LRRC4C: variants seen among roughly 807,000 people sequenced by gnomAD.
LRRC4C encodes leucine rich repeat containing 4C.
LRRC4C carries 5 observed loss-of-function variants against 33.6 expected under a neutral mutation model. That is an observed-to-expected ratio of 0.15 (90% CI 0.08 to 0.31). The LOEUF (loss-of-function observed/expected upper bound fraction) is 0.31. Among genes scored for constraint, LRRC4C ranks in the 10% least tolerant of loss-of-function variants. The pLI is 1.00. For missense variants in LRRC4C, 560 were observed against 796.7 expected, an observed-to-expected ratio of 0.70 and a Z score of 3.58; for synonymous variants, 329 against 302.0, an observed-to-expected ratio of 1.09 and a Z score of -0.93.
intron 2 of LRRC4C, among the ~76,000 whole-genome samples, chr11:40,805,768 T>C (rs1317298564): frequency 6.6e-6 from 1 of 152,204 alleles, no homozygotes; most frequent in African/African-American, 2.4e-5. Context: ...AATTTTAGTA[T>C]TAATCACTAT....
At chr11:41,124,470 C>T (rs1359914034) in intron 1 of LRRC4C, among the ~76,000 whole-genome samples, 4 of 152,184 alleles carry the variant, frequency 2.6e-5, no homozygotes, top group Admixed American at 6.5e-5. Flanking sequence ...CTTCGTTCTA[C>T]AGCACTTGGC....
intron 6 of LRRC4C, among the ~76,000 whole-genome samples, chr11:40,138,951 T>A (rs1235814927): frequency 6.6e-6 from 1 of 152,198 alleles, no homozygotes; most frequent in Admixed American, 6.5e-5. Flanking sequence ...ATGTGCTATC[T>A]TAGTAAATTT....
intron 1 of LRRC4C, among the ~76,000 whole-genome samples, chr11:41,346,708 G>A (rs1000454556): frequency 6.6e-6 from 1 of 152,150 alleles, no homozygotes; most frequent in Non-Finnish European, 1.5e-5. Flanking sequence ...GCTTTCAAAA[G>A]GTTCCAAAAA....
rs751922675 is a variant in LRRC4C, at chr11:40,579,492, G to T, written c.-270+68650C>A. Among the ~76,000 whole-genome samples, 205 of 152,116 alleles carry T rather than the reference G, an allele frequency of 1.3e-3. 1 individual carries two copies. The highest frequency in any genetic ancestry group is 0.01 in the Middle Eastern group (3 of 294). ...TTGTATTTTATAGCTTTGGGTTAAG[G>T]TATAATTATATACTATAAACTACAC... is the stretch of plus-strand genomic sequence containing the variant. On this transcript the variant is annotated intron_variant, in intron 3 of 6. Transcript: ENST00000528697.
chr11:41,195,448 G>A (rs1230887262), intron 1 of LRRC4C, among the ~76,000 whole-genome samples: 1 of 152,052 alleles, frequency 6.6e-6, no homozygotes, highest in Non-Finnish European at 1.5e-5. Context: ...AAACTGGAAT[G>A]TTTCAGAAAC....
At chr11:40,403,321 T>TTATCTAA (rs1949832990) in intron 3 of LRRC4C, among the ~76,000 whole-genome samples, 2 of 152,108 alleles carry the variant, frequency 1.3e-5, no homozygotes, top group Non-Finnish European at 2.9e-5. Context: ...TAAACCAAGT[T>TTATCTAA]AGTTAGTCAA....
At chr11:40,484,280 AT>A (rs1433813288) in intron 3 of LRRC4C, among the ~76,000 whole-genome samples, 2 of 152,258 alleles carry the variant, frequency 1.3e-5, no homozygotes, top group African/African-American at 4.8e-5. Context: ...TTAATTTGCA[AT>A]TAATTAATTG....
At chr11:40,932,984 T>C (rs1411416849) in intron 2 of LRRC4C, among the ~76,000 whole-genome samples, 1 of 152,168 alleles carries the variant, frequency 6.6e-6, no homozygotes, top group Non-Finnish European at 1.5e-5. Context: ...AAATAAATAT[T>C]AACTGGTCAA....
intron 1 of LRRC4C, among the ~76,000 whole-genome samples, chr11:41,126,972 A>C (rs1188551114): frequency 6.6e-6 from 1 of 152,190 alleles, no homozygotes; most frequent in Non-Finnish European, 1.5e-5. Context: ...GTTTTGAGAT[A>C]GTTTGTCATG....
At chr11:40,399,189 A>G (rs6485194) in intron 3 of LRRC4C, among the ~76,000 whole-genome samples, 51,516 of 151,886 alleles carry the variant, frequency 0.34, 9,899 homozygotes, top group South Asian at 0.47. Context: ...CTGGGTATAT[A>G]CCCAAAGGAC....
intron 5 of LRRC4C, among the ~76,000 whole-genome samples, chr11:40,144,986 A>G (rs1857622055): frequency 6.6e-6 from 1 of 152,182 alleles, no homozygotes; most frequent in South Asian, 2.1e-4. Flanking sequence ...ACTATCAACC[A>G]GTGTGCTAGT....
chr11:40,207,726 G>A (rs1400301403), intron 5 of LRRC4C, among the ~76,000 whole-genome samples: 1 of 152,186 alleles, frequency 6.6e-6, no homozygotes, highest in Non-Finnish European at 1.5e-5. Context: ...AGCCAAGTGT[G>A]TGGTCATCTG....
intron 3 of LRRC4C, among the ~76,000 whole-genome samples, chr11:40,454,340 AT>A (rs1418771328): frequency 6.6e-6 from 1 of 152,134 alleles, no homozygotes; most frequent in Non-Finnish European, 1.5e-5. Flanking sequence ...ATCTTTTCAA[AT>A]ATGAGAGCTA....
At chr11:41,105,518 G>A (rs1381085792) in intron 1 of LRRC4C, among the ~76,000 whole-genome samples, 4 of 151,956 alleles carry the variant, frequency 2.6e-5, no homozygotes, top group African/African-American at 9.7e-5. Context: ...ATTAGCACAG[G>A]TAGTTTTTCA....
rs115919967 is a variant in LRRC4C at position 40,371,844 on chromosome 11, G to T, written c.-269-52123C>A. ...ATTGAGGCTCCCAACTGGACAACAC[G>T]ACCTGGGAAAATATTTGTTTTTCAT... On this transcript the variant is annotated intron_variant, in intron 3 of 6. Transcript: ENST00000528697. Among the ~76,000 whole-genome samples the T allele has an allele frequency of 5.7e-3, 872 of 152,220 alleles. 9 individuals carry two copies. Among genetic ancestry groups the T allele is most frequent in the African/African-American group, 0.02 (836 of 41,536 alleles).
intron 3 of LRRC4C, chr11:40,351,422 C>T (rs1947378997): frequency 6.6e-6 from 1 of 151,970 alleles, no homozygotes; most frequent in African/African-American, 2.4e-5. Flanking sequence ...TCCTTTAGGT[C>T]TATAGTGCAG....
chr11:41,185,344 A>C (rs184337546), intron 1 of LRRC4C, among the ~76,000 whole-genome samples: 34 of 152,252 alleles, frequency 2.2e-4, no homozygotes, highest in African/African-American at 8.2e-4. Context: ...CAAGAGATCC[A>C]CCCAAAGCAA....
At chr11:41,112,582 T>G (rs1324074329) in intron 1 of LRRC4C, among the ~76,000 whole-genome samples, 1 of 152,070 alleles carries the variant, frequency 6.6e-6, no homozygotes, top group African/African-American at 2.4e-5. Context: ...TCCTTTAAAA[T>G]TTTATAAACA....
intron 5 of LRRC4C, among the ~76,000 whole-genome samples, chr11:40,183,479 G>C (rs934059452): frequency 9.9e-5 from 15 of 152,176 alleles, no homozygotes; most frequent in African/African-American, 2.9e-4. Context: ...CACAGAACCT[G>C]CTGCCAAAGA....
Sources: allele counts gnomAD v4.1 joint callset (sites outside exome capture counted in the v4.1 genomes callset), GRCh38; gene constraint gnomAD v4.1.1; transcripts MANE v1.5; gene names NCBI Gene and HGNC (gene_info 2026-07-23, HGNC 2026-07-21).